The following CLVS1 variants were observed in gnomAD, a reference collection of about 807,000 sequenced individuals.
CLVS1 encodes clavesin 1, also known as clavesin-1.
A neutral mutation model predicts 33.1 loss-of-function variants in CLVS1; 10 were observed. That is an observed-to-expected ratio of 0.30 (90% confidence interval 0.19 to 0.51). The LOEUF (loss-of-function observed/expected upper bound fraction) is 0.51, where lower values mean the gene tolerates loss of function less well. Among genes scored for constraint, CLVS1 ranks in the 20% least tolerant of loss-of-function variants. The probability of loss-of-function intolerance (pLI) is 0.97; values close to 1 mark genes in which losing one functional copy is unlikely to be tolerated. For missense variants in CLVS1, 343 were observed against 433.4 expected (o/e 0.79, Z 1.85); for synonymous variants, 163 against 166.1 (o/e 0.98, Z 0.14).
intron 2 of CLVS1, among the ~76,000 whole-genome samples, chr8:61,374,739 G>C (rs890474565): frequency 1.3e-5 from 2 of 152,124 alleles, no homozygotes; most frequent in Non-Finnish European, 2.9e-5. Context: ...AAAGGTTAAA[G>C]TTACAATTTT....
intron 1 of CLVS1, among the ~76,000 whole-genome samples, chr8:61,091,186 C>T (rs910124666): frequency 2.0e-5 from 3 of 152,158 alleles, no homozygotes; most frequent in Non-Finnish European, 2.9e-5. Flanking sequence ...GAGGAGAAGG[C>T]CATGCAAAGC....
intron 2 of CLVS1, among the ~76,000 whole-genome samples, chr8:61,270,734 T>C (rs1320705458): frequency 6.6e-6 from 1 of 152,184 alleles, no homozygotes; most frequent in Admixed American, 6.5e-5. Context: ...CTTCCTGGTT[T>C]ACTCTTGGGA....
At chr8:60,966,910 A>G in the CLVS1 span, among the ~76,000 whole-genome samples, 33 of 152,354 alleles carry the variant, frequency 2.2e-4, no homozygotes, top group African/African-American at 7.0e-4. Flanking sequence ...GAGGGAAAAA[A>G]TTCAAATAAA....
At chr8:61,324,916 C>G (rs1201000998) in intron 2 of CLVS1, among the ~76,000 whole-genome samples, 1 of 152,114 alleles carries the variant, frequency 6.6e-6, no homozygotes, top group Non-Finnish European at 1.5e-5. Flanking sequence ...TGCCCATACA[C>G]CCAACATACC....
chr8:61,453,788 T>G (rs1817049408), intron 3 of CLVS1, among the ~76,000 whole-genome samples: 1 of 152,172 alleles, frequency 6.6e-6, no homozygotes, highest in Non-Finnish European at 1.5e-5. Flanking sequence ...TGAGAGCCTG[T>G]AAGCCTTCGT....
At chr8:61,110,676 C>T (rs1480877339) in intron 1 of CLVS1, among the ~76,000 whole-genome samples, 2 of 152,118 alleles carry the variant, frequency 1.3e-5, no homozygotes, top group Non-Finnish European at 2.9e-5. Context: ...ACACTCTGTA[C>T]CCACTAAACT....
chr8:61,178,590 C>T (rs138520121), intron 2 of CLVS1, among the ~76,000 whole-genome samples: 14,697 of 152,070 alleles, frequency 0.097, 1,154 homozygotes, highest in African/African-American at 0.21. Context: ...TTAAGGGCAG[C>T]CCGAGAGAAA....
chr8:61,260,719 CCCAAGT>C (rs2129592199), intron 2 of CLVS1, among the ~76,000 whole-genome samples: 1 of 152,278 alleles, frequency 6.6e-6, no homozygotes, highest in East Asian at 1.9e-4. Flanking sequence ...GCTCCTAGGG[CCCAAGT>C]CCTGTGCTGA....
intron 2 of CLVS1, among the ~76,000 whole-genome samples, chr8:61,365,451 C>G (rs1813161083): frequency 6.6e-6 from 1 of 151,936 alleles, no homozygotes; most frequent in African/African-American, 2.4e-5. Flanking sequence ...AGCTTGAACC[C>G]TGGGGGCAGA....
At chr8:61,172,455 A>G (rs1318054310) in intron 2 of CLVS1, among the ~76,000 whole-genome samples, 1 of 152,154 alleles carries the variant, frequency 6.6e-6, no homozygotes. Flanking sequence ...CTTTGCAAGG[A>G]GCAACAATTT....
At chr8:61,276,042 T>C (rs1011526935) in intron 2 of CLVS1, among the ~76,000 whole-genome samples, 1 of 152,166 alleles carries the variant, frequency 6.6e-6, no homozygotes, top group South Asian at 2.1e-4. Flanking sequence ...AAGGTTTCGT[T>C]TGTGAAATTC....
At chr8:61,076,764 C>T (rs1257784115) in intron 1 of CLVS1, among the ~76,000 whole-genome samples, 2 of 152,236 alleles carry the variant, frequency 1.3e-5, no homozygotes, top group African/African-American at 2.4e-5. Context: ...CGAGTCATCT[C>T]TGCAGCTCCT....
the CLVS1 span, among the ~76,000 whole-genome samples, chr8:61,032,898 A>AGAGTTTGAGACCAG: frequency 1.7e-4 from 26 of 151,350 alleles, no homozygotes; most frequent in African/African-American, 6.1e-4. Flanking sequence ...TCAAAACTCT[A>AGAGTTTGAGACCAG]GAGTTTGAGA....
the CLVS1 span, among the ~76,000 whole-genome samples, chr8:60,994,701 C>A: frequency 6.8e-4 from 104 of 152,268 alleles, no homozygotes; most frequent in African/African-American, 2.4e-3. Context: ...AATGCGGGCT[C>A]TTTTTTGGTT....
At chr8:61,486,174 A>T (rs1260236956) in intron 5 of CLVS1, among the ~76,000 whole-genome samples, 1 of 152,144 alleles carries the variant, frequency 6.6e-6, no homozygotes, top group Non-Finnish European at 1.5e-5. Context: ...AGGGAATGGG[A>T]ACAAGAACAC....
At position 61,104,371 on chromosome 8, in the gene CLVS1, TAGG is replaced by T. The variant is rs947333206; in HGVS notation, c.-242-27398_-242-27396del. On this transcript the variant is annotated intron_variant, in intron 1 of 2. Transcript: ENST00000522621. ...TAAATTGATGTGCTGCAGAGATATA[TAGG>T]TAGCGTGTATGTCTCTCTTGCAGTA... Among the ~76,000 whole-genome samples, 56 of 152,178 alleles carry T rather than the reference TAGG, an allele frequency of 3.7e-4. 1 individual carries two copies. Among genetic ancestry groups the T allele is most frequent in the African/African-American group, 1.3e-3 (55 of 41,440 alleles).
At chr8:61,007,230 T>C in the CLVS1 span, among the ~76,000 whole-genome samples, 1 of 152,208 alleles carries the variant, frequency 6.6e-6, no homozygotes, top group South Asian at 2.1e-4. Flanking sequence ...AGATATGAGA[T>C]CGGACAAAGG....
chr8:61,469,553 T>C (rs1817666249), intron 5 of CLVS1, among the ~76,000 whole-genome samples: 1 of 152,358 alleles, frequency 6.6e-6, no homozygotes, highest in African/African-American at 2.4e-5. Flanking sequence ...TGTTTTCAGC[T>C]GTCAATAGAA....
chr8:61,465,276 CT>C (rs927766010), intron 5 of CLVS1: 8 of 152,184 alleles, frequency 5.3e-5, no homozygotes, highest in Admixed American at 1.3e-4. Context: ...TTCAAGTGGG[CT>C]TTGTGCACCG....
Sources: gnomAD v4.1 joint callset for allele counts (sites outside exome capture counted in the v4.1 genomes callset) on GRCh38, gnomAD v4.1.1 for gene constraint, MANE v1.5 for transcripts, NCBI Gene and HGNC (gene_info 2026-07-23, HGNC 2026-07-21) for gene names.